MUC22: variants seen among roughly 807,000 people sequenced by gnomAD.
MUC22 encodes the protein mucin 22.
Under a neutral mutation model 40.3 loss-of-function variants are expected in MUC22, and 24 were observed. The observed-to-expected ratio is 0.60, with a 90% confidence interval of 0.43 to 0.84. MUC22 has a LOEUF of 0.84. Among genes scored for constraint, MUC22 ranks in the 40% least tolerant of loss-of-function variants. The pLI is 0.00. For synonymous variants in MUC22, 765 were observed against 844.5 expected (o/e 0.91, Z 1.63); for missense variants, 1,926 against 2,130.7 (o/e 0.90, Z 1.89).
exon 2 of MUC22, chr6:31,025,646 G>T: frequency 6.5e-7 from 1 of 1,531,904 alleles, no homozygotes; most frequent in South Asian, 1.2e-5. Flanking sequence ...TCTACCACAG[G>T]CTCTGAGACA....
In MUC22 at chr6:31,021,340, G is replaced by A. The variant is rs181724901; in HGVS notation, c.71-4162G>A. ...GGGCCTTGGAGAACCTTTATGTCTA[G>A]CTCAGGGATTGTAAATACACCAATC... On this transcript the variant is annotated intron_variant, in intron 1 of 3. Coordinates refer to ENST00000561890, the Ensembl canonical transcript of MUC22. Among the ~76,000 whole-genome samples, 515 of 121,268 alleles carry A rather than the reference G, an allele frequency of 4.2e-3. 8 individuals carry two copies. Among genetic ancestry groups the A allele is most frequent in the African/African-American group, 6.1e-3 (184 of 30,150 alleles). 79.6% of individuals were successfully genotyped at this position (121,268 alleles called of 152,430 possible).
intron 1 of MUC22, among the ~76,000 whole-genome samples, chr6:31,020,904 G>C (rs963022852): frequency 1.3e-5 from 2 of 152,218 alleles, no homozygotes; most frequent in Non-Finnish European, 2.9e-5. Flanking sequence ...CCCCAGCAGT[G>C]CCGGCCCACT....
intron 1 of MUC22, among the ~76,000 whole-genome samples, chr6:31,014,245 T>C (rs935130444): frequency 6.6e-6 from 1 of 152,202 alleles, no homozygotes; most frequent in African/African-American, 2.4e-5. Context: ...ATGTCCATAG[T>C]TTTCTTCATA....
In MUC22 at chr6:31,011,685, T is replaced by G. The variant is rs1292754186; in HGVS notation, c.70+909T>G. Reference sequence around the variant, plus strand: ...TGTCTTTTTTGTATAATGACTTCTTTTCCTCTGGGTAGATACCCAGTAGTG... The same window carrying G: ...TGTCTTTTTTGTATAATGACTTCTTGTCCTCTGGGTAGATACCCAGTAGTG... On this transcript the variant is annotated intron_variant, in intron 1 of 3. Coordinates refer to ENST00000561890, the Ensembl canonical transcript of MUC22. This position sits in a 1 kb window ranked among gnomAD's most constrained non-coding sequence, Gnocchi z 4.5. 6.6e-6 allele frequency among the ~76,000 whole-genome samples: 1 copy of G among 152,246 alleles called. No individual in the cohort carries two copies. Among genetic ancestry groups the G allele is most frequent in the Non-Finnish European group, 1.5e-5 (1 of 68,042 alleles).
At chr6:31,022,371 T>A (rs916865247) in intron 1 of MUC22, among the ~76,000 whole-genome samples, 1 of 151,808 alleles carries the variant, frequency 6.6e-6, no homozygotes, top group African/African-American at 2.4e-5. Context: ...TCAATTTTGG[T>A]TAGGCTGGTA....
chr6:31,008,310 A>G (rs1763640215), upstream of MUC22, among the ~76,000 whole-genome samples: 1 of 152,194 alleles, frequency 6.6e-6, no homozygotes, highest in East Asian at 1.9e-4. Context: ...TTGGATGCCA[A>G]TGCAGGATCC....
chr6:31,020,578 G>C (rs1187165106), intron 1 of MUC22, among the ~76,000 whole-genome samples: 2 of 151,508 alleles, frequency 1.3e-5, no homozygotes, highest in Admixed American at 1.3e-4. Context: ...CAGAGCCCTC[G>C]CTTGCTCTCA....
chr6:31,018,441 A>AC (rs1764421411), intron 1 of MUC22, among the ~76,000 whole-genome samples: 1 of 152,054 alleles, frequency 6.6e-6, no homozygotes, highest in Non-Finnish European at 1.5e-5. Context: ...ACTTACTCTC[A>AC]CCCCCAATGG....
intron 1 of MUC22, among the ~76,000 whole-genome samples, chr6:31,017,144 G>A (rs1764276637): frequency 6.6e-6 from 1 of 152,228 alleles, no homozygotes; most frequent in Non-Finnish European, 1.5e-5. Flanking sequence ...TTGCTTTGCG[G>A]CACCCGGTCC....
chr6:31,009,332 G>A (rs143965957), upstream of MUC22, among the ~76,000 whole-genome samples: 84 of 152,290 alleles, frequency 5.5e-4, 1 homozygote, highest in African/African-American at 1.9e-3. Flanking sequence ...CTCTCAAGGT[G>A]TTGGGATTAC....
exon 2 of MUC22, chr6:31,027,153 G>C (rs762780148): frequency 1.7e-5 from 25 of 1,501,608 alleles, no homozygotes; most frequent in Non-Finnish European, 1.9e-5. Context: ...CAAGCTCTGA[G>C]GTGACCACAG....
intron 1 of MUC22, among the ~76,000 whole-genome samples, chr6:31,017,265 A>G (rs1259487895): frequency 6.6e-6 from 1 of 152,222 alleles, no homozygotes; most frequent in Non-Finnish European, 1.5e-5. Flanking sequence ...TGGGCTCCTG[A>G]GTGTAGTGGG....
intron 2 of MUC22, 22 bp downstream of exon 2, chr6:31,030,122 T>C (rs1765944451): frequency 6.7e-7 from 1 of 1,491,144 alleles, no homozygotes; most frequent in Non-Finnish European, 8.9e-7. Context: ...CATGTCTTCT[T>C]TGAGCCCACA....
exon 2 of MUC22, chr6:31,027,965 C>G (rs1475653415): frequency 1.3e-6 from 2 of 1,534,914 alleles, no homozygotes; most frequent in Non-Finnish European, 1.7e-6. Flanking sequence ...GGCTCTGAGA[C>G]CACCACAGTC....
At position 31,026,449 on chromosome 6, in the gene MUC22, G is replaced by T; in HGVS notation, c.1018G>T (p.Ala340Ser). 8.6e-6 allele frequency: 13 copies of T among 1,506,660 alleles called. No individual in the cohort carries two copies. The highest frequency in any genetic ancestry group is 1.1e-5 in the Non-Finnish European group (12 of 1,128,418). 93.3% of individuals were successfully genotyped at this position (1,506,660 alleles called of 1,614,324 possible). A position where few individuals can be genotyped will look rare whatever the true frequency, so the allele number is the denominator to read the frequency against. Reference sequence around the variant, plus strand: ...TAGTGCAGGCTCTGGGACCACCACAGCTTCTATGGCAGGCTCTGAGACCAC... The same window carrying T: ...TAGTGCAGGCTCTGGGACCACCACATCTTCTATGGCAGGCTCTGAGACCAC... Residue 340 changes from alanine (A) to serine (S), a missense_variant, in exon 2 of 4, where the codon GCT (alanine) becomes TCT (serine). This residue lies in a region of MUC22 where 1,281 missense variants were observed against 1,337.8 expected (regional missense o/e 0.96). Transcript: ENST00000561890.
At position 31,030,108 on chromosome 6, in the gene MUC22, C is replaced by A. The variant is rs895962787; in HGVS notation, c.4669+8C>A. On this transcript the variant is annotated splice_region_variant and intron_variant, in intron 2 of 3. Transcript: ENST00000561890. ...CCAACACACCTATGTCAGGTACTAA[C>A]CCCCATGTCTTCTTTGAGCCCACAC... The A allele has an allele frequency of 3.3e-6, 5 of 1,505,352 alleles. No homozygotes were observed. Among genetic ancestry groups the A allele is most frequent in the Non-Finnish European group, 4.4e-6 (5 of 1,131,224 alleles). 93.2% of individuals were successfully genotyped at this position (1,505,352 alleles called of 1,614,324 possible). A position where few individuals can be genotyped will look rare whatever the true frequency, so the allele number is the denominator to read the frequency against.
At chr6:31,013,129 C>CTTTTTTTT (rs28381569) in intron 1 of MUC22, among the ~76,000 whole-genome samples, 16 of 121,376 alleles carry the variant, frequency 1.3e-4, no homozygotes, top group African/African-American at 3.4e-4. Context: ...CACCCCCATT[C>CTTTTTTTT]TTTTTTTTTT....
chr6:31,027,401 C>T (rs111413526), exon 2 of MUC22: 182,295 of 1,533,436 alleles, frequency 0.12, 13,043 homozygotes, highest in Admixed American at 0.16. Flanking sequence ...GAGACCACTA[C>T]AGTTTCTATC....
intron 1 of MUC22, among the ~76,000 whole-genome samples, chr6:31,020,038 C>T (rs1451352247): frequency 1.3e-5 from 2 of 151,798 alleles, no homozygotes; most frequent in Non-Finnish European, 2.9e-5. Flanking sequence ...AAAAGGGAAC[C>T]GAAAACATGT....
Sources: gnomAD v4.1 joint callset for allele counts (sites outside exome capture counted in the v4.1 genomes callset) on GRCh38, gnomAD v4.1.1 for gene constraint, gnomAD v4.1.1 regional missense constraint, Gnocchi (gnomAD v3.1) non-coding constraint, MANE v1.5 for transcripts, NCBI Gene and HGNC (gene_info 2026-07-23, HGNC 2026-07-21) for gene names.